Variants in ACKR2 observed in about 807,000 individuals in gnomAD.
The protein encoded by ACKR2 is atypical chemokine receptor 2.
For synonymous variants in ACKR2, 207 were observed against 192.2 expected (o/e 1.08, Z -0.64); for missense variants, 457 against 477.3 (o/e 0.96, Z 0.40).
chr3:42,837,727 G>A (rs1329128551), intron 2 of ACKR2, among the ~76,000 whole-genome samples: 1 of 152,112 alleles, frequency 6.6e-6, no homozygotes, highest in African/African-American at 2.4e-5. Context: ...GCTTTATGAG[G>A]TTTCTAGGTA....
intron 2 of ACKR2, chr3:42,851,481 G>T: frequency 2.1e-6 from 2 of 975,110 alleles, no homozygotes; most frequent in Non-Finnish European, 2.4e-6. Context: ...CTCGGGGTGT[G>T]GGGTGGGGGT....
At chr3:42,812,075 C>G (rs942509305) in intron 1 of ACKR2, among the ~76,000 whole-genome samples, 2 of 152,246 alleles carry the variant, frequency 1.3e-5, no homozygotes, top group African/African-American at 4.8e-5. Context: ...CGCCGGTCCC[C>G]TGGGACCACT....
chr3:42,832,611 C>T (rs1039919867), intron 2 of ACKR2, among the ~76,000 whole-genome samples: 2 of 152,148 alleles, frequency 1.3e-5, no homozygotes, highest in African/African-American at 4.8e-5. Flanking sequence ...ACTCCATCAC[C>T]GCATACGGAA....
chr3:42,862,989 A>G (rs1277158286), intron 2 of ACKR2, among the ~76,000 whole-genome samples: 1 of 152,228 alleles, frequency 6.6e-6, no homozygotes, highest in Non-Finnish European at 1.5e-5. Context: ...AATGGCAACA[A>G]AAGCCAAAAT....
chr3:42,832,016 G>A (rs553638470), intron 2 of ACKR2, among the ~76,000 whole-genome samples: 9 of 152,160 alleles, frequency 5.9e-5, no homozygotes, highest in Non-Finnish European at 1.3e-4. Context: ...CTTAGAATTG[G>A]TATTAAATCA....
intron 2 of ACKR2, among the ~76,000 whole-genome samples, chr3:42,849,289 C>T (rs6442100): frequency 0.018 from 2,755 of 152,170 alleles, 84 homozygotes; most frequent in African/African-American, 0.063. Flanking sequence ...ATCACTTGAG[C>T]TCTGGAGTGG....
intron 2 of ACKR2, among the ~76,000 whole-genome samples, chr3:42,822,958 T>C (rs1036972648): frequency 6.6e-6 from 1 of 152,142 alleles, no homozygotes; most frequent in African/African-American, 2.4e-5. Context: ...CTCTCTGTAG[T>C]CTTGGCTGTG....
At chr3:42,858,505 A>G (rs1401822435) in intron 2 of ACKR2, among the ~76,000 whole-genome samples, 1 of 152,150 alleles carries the variant, frequency 6.6e-6, no homozygotes, top group Non-Finnish European at 1.5e-5. Context: ...TCCACACAGA[A>G]ACCCCATCTG....
chr3:42,840,580 C>T (rs1411328124), intron 2 of ACKR2, among the ~76,000 whole-genome samples: 3 of 152,236 alleles, frequency 2.0e-5, no homozygotes, highest in African/African-American at 7.2e-5. Context: ...GCCTGGGTAA[C>T]TTGACTTGTA....
chr3:42,818,613 G>C (rs931710192), intron 1 of ACKR2, among the ~76,000 whole-genome samples: 1 of 152,202 alleles, frequency 6.6e-6, no homozygotes, highest in Non-Finnish European at 1.5e-5. Flanking sequence ...CCAGGCTAGA[G>C]TGCAGTGGCG....
Position 42,846,971 on chromosome 3 carries a change from G to A in ACKR2, c.-37-17495G>A, listed in dbSNP as rs530577725. ...CAAAGACAATGAGCAAAAGAGCACCGGAGTAGGAGTCAGAAAGTCCATGTG... is the reference window on the plus strand; with the variant it reads ...CAAAGACAATGAGCAAAAGAGCACCAGAGTAGGAGTCAGAAAGTCCATGTG... On this transcript the variant is annotated intron_variant, in intron 2 of 2. Transcript: ENST00000422265. Among the ~76,000 whole-genome samples, 5 of 152,280 alleles carry A rather than the reference G, an allele frequency of 3.3e-5. No homozygotes were observed. In the East Asian group the frequency reaches 5.8e-4, roughly 18 times the overall value.
At position 42,825,735 on chromosome 3, in the gene ACKR2, G is replaced by T. The variant is rs562624184; in HGVS notation, c.-38+6024G>T. Among the ~76,000 whole-genome samples, 217 of 152,006 alleles carry T rather than the reference G, an allele frequency of 1.4e-3. 1 individual carries two copies. The highest frequency in any genetic ancestry group is 2.5e-3 in the Non-Finnish European group (169 of 67,942). On this transcript the variant is annotated intron_variant, in intron 2 of 2. Coordinates refer to ENST00000422265, the MANE Select transcript of ACKR2 (RefSeq NM_001296.5). ...TTGCACAACTGCTCTGACTAGAAATGCCAGTACAATGTCAAATAAAAGTGG... is the reference window on the plus strand; with the variant it reads ...TTGCACAACTGCTCTGACTAGAAATTCCAGTACAATGTCAAATAAAAGTGG...
chr3:42,840,295 A>G (rs1343811269), intron 2 of ACKR2, among the ~76,000 whole-genome samples: 1 of 151,598 alleles, frequency 6.6e-6, no homozygotes, highest in African/African-American at 2.4e-5. Flanking sequence ...AGGAAATGAA[A>G]TAGAGTATCC....
At chr3:42,827,222 T>A (rs1007769986) in intron 2 of ACKR2, among the ~76,000 whole-genome samples, 10 of 152,198 alleles carry the variant, frequency 6.6e-5, no homozygotes, top group African/African-American at 2.2e-4. Flanking sequence ...CTTACTTATA[T>A]CAGTTTTAGG....
chr3:42,859,176 C>T (rs2088354938), intron 2 of ACKR2, among the ~76,000 whole-genome samples: 1 of 152,180 alleles, frequency 6.6e-6, no homozygotes, highest in Middle Eastern at 3.4e-3. Flanking sequence ...ATACAGAGAA[C>T]ACCACAAAGA....
At chr3:42,860,186 A>AAAAAAAAAAAAAAAC in intron 2 of ACKR2, among the ~76,000 whole-genome samples, 1 of 145,734 alleles carries the variant, frequency 6.9e-6, no homozygotes, top group Non-Finnish European at 1.5e-5. Flanking sequence ...AAAAAAAAAA[A>AAAAAAAAAAAAAAAC]AAAGCAGGGG....
chr3:42,826,518 A>G (rs908870614), intron 2 of ACKR2, among the ~76,000 whole-genome samples: 44 of 152,026 alleles, frequency 2.9e-4, no homozygotes, highest in African/African-American at 9.4e-4. Context: ...CATATGAATT[A>G]TCTAATTTAT....
intron 2 of ACKR2, among the ~76,000 whole-genome samples, chr3:42,860,216 T>C (rs1258844909): frequency 1.0e-5 from 1 of 100,016 alleles, no homozygotes; most frequent in Non-Finnish European, 2.1e-5. Flanking sequence ...TAGTCTCTGA[T>C]AAAACAGACT....
At chr3:42,810,590 A>G (rs1350361978) in intron 1 of ACKR2, among the ~76,000 whole-genome samples, 2 of 152,096 alleles carry the variant, frequency 1.3e-5, no homozygotes, top group Non-Finnish European at 2.9e-5. Context: ...TTTCTTTTAC[A>G]TGCTCACCCT....
Sources: gnomAD v4.1 joint callset for allele counts (sites outside exome capture counted in the v4.1 genomes callset) on GRCh38, gnomAD v4.1.1 for gene constraint, MANE v1.5 for transcripts, NCBI Gene and HGNC (gene_info 2026-07-23, HGNC 2026-07-21) for gene names.